SPMIP2: variants seen among roughly 807,000 people sequenced by gnomAD.
The protein encoded by SPMIP2 is protein SPMIP2.
the SPMIP2 span, among the ~76,000 whole-genome samples, chr4:159,034,834 T>C: frequency 6.6e-6 from 1 of 151,718 alleles, no homozygotes; most frequent in Admixed American, 6.6e-5. Flanking sequence ...GAGGTTGCAG[T>C]GAGCCGAGAT....
chr4:158,972,664 T>G, the SPMIP2 span, among the ~76,000 whole-genome samples: 2 of 152,346 alleles, frequency 1.3e-5, no homozygotes, highest in Non-Finnish European at 2.9e-5. Context: ...GAAGGCATTA[T>G]CAGTACAGTG....
the SPMIP2 span, among the ~76,000 whole-genome samples, chr4:159,066,043 T>C: frequency 6.6e-6 from 1 of 152,052 alleles, no homozygotes; most frequent in South Asian, 2.1e-4. Context: ...TTCTCAAGCC[T>C]CCTAAATAGC....
the SPMIP2 span, among the ~76,000 whole-genome samples, chr4:158,928,028 C>T: frequency 1.4e-4 from 21 of 152,198 alleles, no homozygotes; most frequent in Non-Finnish European, 2.9e-4. Flanking sequence ...CCTCAATGAG[C>T]GCCGCCCCCT....
chr4:159,011,119 T>G, the SPMIP2 span, among the ~76,000 whole-genome samples: 2 of 152,162 alleles, frequency 1.3e-5, no homozygotes, highest in Admixed American at 1.3e-4. Flanking sequence ...TAGAATAAAA[T>G]GTCCAAGTGA....
the SPMIP2 span, among the ~76,000 whole-genome samples, chr4:158,977,551 G>C: frequency 8.8e-6 from 1 of 113,166 alleles, no homozygotes; most frequent in Non-Finnish European, 1.9e-5. Flanking sequence ...TCAGCTCCTG[G>C]ATTCATTGAT....
chr4:159,071,599 G>A, the SPMIP2 span, among the ~76,000 whole-genome samples: 2 of 152,188 alleles, frequency 1.3e-5, no homozygotes, highest in East Asian at 3.8e-4. Context: ...CCCTTCCCAA[G>A]CCCTGAAAAC....
At chr4:158,951,956 T>G in the SPMIP2 span, among the ~76,000 whole-genome samples, 5 of 152,220 alleles carry the variant, frequency 3.3e-5, no homozygotes, top group African/African-American at 1.2e-4. Flanking sequence ...TCTAAATTCC[T>G]CTTTCTGGCT....
chr4:158,940,277 A>C, the SPMIP2 span, among the ~76,000 whole-genome samples: 2 of 152,034 alleles, frequency 1.3e-5, no homozygotes, highest in Non-Finnish European at 2.9e-5. Flanking sequence ...CACCACAATG[A>C]CCTCATTTTA....
At chr4:159,010,854 C>G in the SPMIP2 span, among the ~76,000 whole-genome samples, 1 of 152,084 alleles carries the variant, frequency 6.6e-6, no homozygotes, top group African/African-American at 2.4e-5. Context: ...TTTTTAAACT[C>G]TAAGTGCAAG....
chr4:159,056,848 T>C, the SPMIP2 span, among the ~76,000 whole-genome samples: 1 of 152,010 alleles, frequency 6.6e-6, no homozygotes. Context: ...AAGAAAGGAA[T>C]TCACATGAAG....
the SPMIP2 span, among the ~76,000 whole-genome samples, chr4:158,949,645 G>T: frequency 6.6e-6 from 1 of 152,200 alleles, no homozygotes; most frequent in African/African-American, 2.4e-5. Context: ...CATATTGTTA[G>T]GCTTCCTTCC....
At chr4:158,923,536 T>TA in the SPMIP2 span, among the ~76,000 whole-genome samples, 6 of 104,324 alleles carry the variant, frequency 5.8e-5, no homozygotes, top group African/African-American at 1.2e-4. Flanking sequence ...ATTGCTAATG[T>TA]AAAAAAATAC....
At chr4:158,923,177 T>C in the SPMIP2 span, among the ~76,000 whole-genome samples, 4 of 152,214 alleles carry the variant, frequency 2.6e-5, no homozygotes, top group Non-Finnish European at 5.9e-5. Flanking sequence ...TATAGCAAGT[T>C]TTGAAATGGA....
the SPMIP2 span, among the ~76,000 whole-genome samples, chr4:158,982,546 C>G: frequency 6.6e-6 from 1 of 152,132 alleles, no homozygotes; most frequent in Non-Finnish European, 1.5e-5. Context: ...GTGCAATCAA[C>G]TTAGAACTCA....
the SPMIP2 span, among the ~76,000 whole-genome samples, chr4:158,964,133 C>A: frequency 1.4e-5 from 2 of 140,928 alleles, no homozygotes; most frequent in African/African-American, 2.9e-5. Context: ...CCAGCCTGGG[C>A]AACAGAGTGA....
the SPMIP2 span, among the ~76,000 whole-genome samples, chr4:159,030,127 T>C: frequency 1.3e-5 from 2 of 152,124 alleles, no homozygotes; most frequent in Non-Finnish European, 2.9e-5. Flanking sequence ...AAAAGAATAG[T>C]GTTGGCTGGG....
chr4:159,000,171 C>T, the SPMIP2 span, among the ~76,000 whole-genome samples: 3 of 152,050 alleles, frequency 2.0e-5, no homozygotes, highest in East Asian at 1.9e-4. Context: ...CAGTTAAATT[C>T]GGATTTCAGA....
At chr4:159,068,691 T>TA in the SPMIP2 span, among the ~76,000 whole-genome samples, 7 of 145,352 alleles carry the variant, frequency 4.8e-5, no homozygotes, top group African/African-American at 1.3e-4. Flanking sequence ...AAATAAAAAA[T>TA]AAAAAAATAA....
the SPMIP2 span, among the ~76,000 whole-genome samples, chr4:159,074,418 T>C: frequency 1.3e-5 from 2 of 152,102 alleles, no homozygotes; most frequent in Non-Finnish European, 2.9e-5. Flanking sequence ...CTGAGTTCCA[T>C]TCTATAGAAG....
Sources: allele counts gnomAD v4.1 joint callset (sites outside exome capture counted in the v4.1 genomes callset), GRCh38; gene constraint gnomAD v4.1.1; transcripts MANE v1.5; gene names NCBI Gene and HGNC (gene_info 2026-07-23, HGNC 2026-07-21).